The following CDH6 variants were observed in gnomAD, a reference collection of about 807,000 sequenced individuals.
The protein encoded by CDH6 is cadherin 6, also known as cadherin-6.
Under a neutral mutation model 78.0 loss-of-function variants are expected in CDH6, and 31 were observed. The observed-to-expected ratio is 0.40, with a 90% confidence interval of 0.30 to 0.54. The LOEUF is 0.54. CDH6 is among the 20% of genes least tolerant of loss of function. The pLI is 0.56. For missense variants in CDH6, 724 were observed against 975.9 expected (o/e 0.74, Z 3.44); for synonymous variants, 376 against 368.8 (o/e 1.02, Z -0.23).
rs567934161 is a variant in CDH6 at position 31,259,502 on chromosome 5, C to T, written c.-128-7844C>T. Among the ~76,000 whole-genome samples, 55 of 152,226 alleles carry T rather than the reference C, an allele frequency of 3.6e-4. 3 individuals are homozygous for T. The highest frequency in any genetic ancestry group is 3.5e-3 in the Admixed American group (53 of 15,292). ...ATTTGTAAGAGGGTTTTAACATCTC[C>T]CGGTCTTGTTTAAGCTTCATTGTCT... On this transcript the variant is annotated intron_variant, in intron 1 of 11. Coordinates refer to ENST00000265071, the MANE Select transcript of CDH6 (RefSeq NM_004932.4).
chr5:31,328,284 C>A lies in CDH6; in HGVS notation c.*4976C>A, dbSNP rs964934425. 2.6e-5 allele frequency: 5 copies of A among 192,968 alleles called. No individual in the cohort carries two copies. The highest frequency in any genetic ancestry group is 5.3e-5 in the Non-Finnish European group (5 of 94,546). 12.0% of individuals were successfully genotyped at this position (192,968 alleles called of 1,614,324 possible). On this transcript the variant is annotated 3_prime_UTR_variant, in exon 12 of 12. Coordinates refer to ENST00000265071, the MANE Select transcript of CDH6 (RefSeq NM_004932.4). ...CATGGACCCAGCCTTGTGGAAAAAG[C>A]ATTCCACGCTAATGAGATCTTGGTC...
At chr5:31,212,072 A>G (rs1339705241) in intron 1 of CDH6, among the ~76,000 whole-genome samples, 2 of 152,202 alleles carry the variant, frequency 1.3e-5, no homozygotes, top group Non-Finnish European at 2.9e-5. Context: ...GTCTAAGTAT[A>G]AGAACTACCT....
At chr5:31,300,789 G>A (rs569244531) in intron 5 of CDH6, among the ~76,000 whole-genome samples, 6 of 152,302 alleles carry the variant, frequency 3.9e-5, no homozygotes, top group East Asian at 3.9e-4. Context: ...AAGTTAGAAA[G>A]GGGCAGGAGG....
At position 31,317,706 on chromosome 5, in the gene CDH6, G is replaced by A; in HGVS notation, c.1664G>A (p.Gly555Asp). ...GCGGGAATCTTAACTCGGAAAAATG[G>A]CTATAATAGACACGAGATGAGCACC... ...NTAGILTRKN[G>D]YNRHEMSTYL... Residue 555 changes from glycine to aspartate, a missense_variant, in exon 11 of 12, where the codon GGC (glycine) becomes GAC (aspartate). This residue lies in a region of CDH6 where 446 missense variants were observed against 684.5 expected (regional missense o/e 0.65). Coordinates refer to ENST00000265071, the MANE Select transcript of CDH6 (RefSeq NM_004932.4). 1 of 1,613,452 alleles carries A rather than the reference G, an allele frequency of 6.2e-7. No individual in the cohort carries two copies. The highest frequency in any genetic ancestry group is 8.5e-7 in the Non-Finnish European group (1 of 1,179,446).
intron 1 of CDH6, among the ~76,000 whole-genome samples, chr5:31,258,201 G>A (rs1053680802): frequency 5.3e-5 from 8 of 152,070 alleles, no homozygotes; most frequent in South Asian, 2.1e-4. Context: ...TGTTTACTGC[G>A]GCACTGTTCA....
intron 11 of CDH6, among the ~76,000 whole-genome samples, chr5:31,321,218 ATAT>A (rs1738471295): frequency 6.6e-6 from 1 of 150,586 alleles, no homozygotes; most frequent in South Asian, 2.1e-4. Context: ...CACTACATAA[ATAT>A]TATCAAATGC....
chr5:31,217,708 T>A (rs1261093334), intron 1 of CDH6, among the ~76,000 whole-genome samples: 1 of 152,102 alleles, frequency 6.6e-6, no homozygotes, highest in Non-Finnish European at 1.5e-5. Context: ...GGGGTGAACA[T>A]TTTTCAGCTC....
chr5:31,223,105 C>T (rs1741047370), intron 1 of CDH6, among the ~76,000 whole-genome samples: 1 of 152,008 alleles, frequency 6.6e-6, no homozygotes, highest in South Asian at 2.1e-4. Flanking sequence ...TCTTTCAGTA[C>T]CTGAAAAAAA....
At chr5:31,283,878 G>A (rs1022682825) in intron 2 of CDH6, among the ~76,000 whole-genome samples, 1 of 151,472 alleles carries the variant, frequency 6.6e-6, no homozygotes, top group African/African-American at 2.4e-5. Context: ...ACAGTGGCAC[G>A]ATCTCAGTTC....
intron 1 of CDH6, among the ~76,000 whole-genome samples, chr5:31,246,671 T>A (rs187314065): frequency 6.8e-4 from 104 of 152,338 alleles, no homozygotes; most frequent in Non-Finnish European, 1.0e-3. Flanking sequence ...AATTTAGAAT[T>A]CTTATTGAGT....
intron 1 of CDH6, among the ~76,000 whole-genome samples, chr5:31,262,464 T>G (rs1742235437): frequency 6.6e-6 from 1 of 152,126 alleles, no homozygotes; most frequent in South Asian, 2.1e-4. Flanking sequence ...CACAAAAAAC[T>G]AAGATCCCAA....
intron 1 of CDH6, among the ~76,000 whole-genome samples, chr5:31,232,687 T>G (rs1381906753): frequency 2.6e-5 from 4 of 152,224 alleles, no homozygotes; most frequent in African/African-American, 7.2e-5. Context: ...CAAGTCAGGC[T>G]TTTTAGTTAT....
chr5:31,222,457 A>C (rs1741030217), intron 1 of CDH6, among the ~76,000 whole-genome samples: 2 of 152,210 alleles, frequency 1.3e-5, no homozygotes, highest in African/African-American at 4.8e-5. Context: ...GAACAATGCT[A>C]CAGAAAGTTT....
intron 2 of CDH6, among the ~76,000 whole-genome samples, chr5:31,291,089 C>A (rs987466882): frequency 2.6e-5 from 4 of 152,070 alleles, no homozygotes; most frequent in Admixed American, 2.0e-4. Flanking sequence ...AAGTGTGCAA[C>A]AATTACATAC....
intron 1 of CDH6, among the ~76,000 whole-genome samples, chr5:31,230,736 T>C (rs891250805): frequency 6.6e-6 from 1 of 152,172 alleles, no homozygotes; most frequent in African/African-American, 2.4e-5. Context: ...AACAAATCCA[T>C]TGAGTTTAAT....
In CDH6 at chr5:31,203,354, G is replaced by A. The variant is rs867021714; in HGVS notation, c.-129+9468G>A. On this transcript the variant is annotated intron_variant, in intron 1 of 11. Transcript: ENST00000265071. The stretch of plus-strand genomic sequence containing the variant: ...GCTGGTGCGCTGCACCCACTAACTC[G>A]TCATCTAGCATTAGGTATATCTCCC... 3.7e-3 allele frequency among the ~76,000 whole-genome samples: 496 copies of A among 134,364 alleles called. 7 individuals carry two copies. The highest frequency in any genetic ancestry group is 0.014 in the African/African-American group (485 of 35,244). The allele number at this position is 134,364 out of a possible 152,430, so 88.1% of individuals were successfully genotyped here.
At chr5:31,279,773 C>T (rs9637777) in intron 2 of CDH6, among the ~76,000 whole-genome samples, 10,059 of 152,044 alleles carry the variant, frequency 0.066, 378 homozygotes, top group South Asian at 0.13. Context: ...TATAAGTGGA[C>T]GCATACAGTT....
chr5:31,213,673 C>G (rs1740782272), intron 1 of CDH6, among the ~76,000 whole-genome samples: 2 of 152,134 alleles, frequency 1.3e-5, no homozygotes, highest in South Asian at 4.1e-4. Flanking sequence ...GCAGATGCCT[C>G]TGGGAAACGG....
chr5:31,240,483 A>G (rs1015067640), intron 1 of CDH6, among the ~76,000 whole-genome samples: 1 of 152,060 alleles, frequency 6.6e-6, no homozygotes, highest in African/African-American at 2.4e-5. Context: ...GCAGGCCACA[A>G]TCAGATCATT....
Sources: allele counts gnomAD v4.1 joint callset (sites outside exome capture counted in the v4.1 genomes callset), GRCh38; gene constraint gnomAD v4.1.1; regional missense constraint gnomAD v4.1.1; transcripts MANE v1.5; gene names NCBI Gene and HGNC (gene_info 2026-07-23, HGNC 2026-07-21).